Variants in VPS13B observed in about 807,000 individuals in gnomAD.
VPS13B encodes the protein vacuolar protein sorting 13 homolog B.
Under a neutral mutation model 426.4 loss-of-function variants are expected in VPS13B, and 285 were observed. That is an observed-to-expected ratio of 0.67 (90% CI 0.61 to 0.74). The LOEUF (loss-of-function observed/expected upper bound fraction) is 0.74, where lower values mean the gene tolerates loss of function less well. Ranked by LOEUF, VPS13B falls within the 30% of genes least tolerant of loss-of-function variation. VPS13B has a pLI of 0.00. For missense variants in VPS13B, 4,537 were observed against 4,782.6 expected, an observed-to-expected ratio of 0.95 and a Z score of 1.51; for synonymous variants, 1,676 against 1,676.4, an observed-to-expected ratio of 1.00 and a Z score of 0.01.
At chr8:99,415,934 T>C (rs115406718) in intron 21 of VPS13B, among the ~76,000 whole-genome samples, 3,088 of 152,258 alleles carry the variant, frequency 0.02, 114 homozygotes, top group African/African-American at 0.07. Context: ...TTAGCAGAGC[T>C]CACACACTGT....
At chr8:99,866,609 G>A (rs548564989) in intron 58 of VPS13B, among the ~76,000 whole-genome samples, 33 of 152,392 alleles carry the variant, frequency 2.2e-4, no homozygotes, top group African/African-American at 7.2e-4. Context: ...CGGAAGAGCA[G>A]AACAGAGGGG....
intron 22 of VPS13B, among the ~76,000 whole-genome samples, chr8:99,439,977 ATAAC>A (rs1324335329): frequency 6.6e-6 from 1 of 152,294 alleles, no homozygotes; most frequent in East Asian, 1.9e-4. Flanking sequence ...TAAAATAAGA[ATAAC>A]AAATAATTTT....
chr8:99,717,735 T>A (rs1210101089), intron 37 of VPS13B, among the ~76,000 whole-genome samples: 1 of 152,208 alleles, frequency 6.6e-6, no homozygotes, highest in African/African-American at 2.4e-5. Flanking sequence ...TCTGTCTCCA[T>A]AGATTTACCT....
chr8:99,384,072 C>T, intron 19 of VPS13B, 136 bp from the exon 20 acceptor site: 1 of 761,142 alleles, frequency 1.3e-6, no homozygotes. Context: ...TCAGGGTTTG[C>T]ATTCCTCCAC....
intron 30 of VPS13B, among the ~76,000 whole-genome samples, chr8:99,522,036 G>A (rs865986807): frequency 1.1e-4 from 16 of 152,124 alleles, no homozygotes; most frequent in Middle Eastern, 6.8e-3. Context: ...AGCAGAAAGC[G>A]TCTTTAGGAA....
chr8:99,054,548 C>A (rs370461418), intron 3 of VPS13B, among the ~76,000 whole-genome samples: 1 of 152,134 alleles, frequency 6.6e-6, no homozygotes, highest in Non-Finnish European at 1.5e-5. Flanking sequence ...TGATGCACAA[C>A]GTATTTAATT....
intron 19 of VPS13B, among the ~76,000 whole-genome samples, chr8:99,351,967 T>A (rs1319180146): frequency 6.6e-6 from 1 of 152,162 alleles, no homozygotes; most frequent in African/African-American, 2.4e-5. Context: ...TTATGAGGGA[T>A]GAAAGTACTC....
intron 19 of VPS13B, among the ~76,000 whole-genome samples, chr8:99,372,800 A>G (rs375634439): frequency 6.6e-6 from 1 of 152,340 alleles, no homozygotes; most frequent in East Asian, 1.9e-4. Context: ...TTGACCTAGC[A>G]ATCCCATTAC....
At chr8:99,626,007 C>T (rs1478439075) in intron 33 of VPS13B, among the ~76,000 whole-genome samples, 1 of 151,994 alleles carries the variant, frequency 6.6e-6, no homozygotes, top group African/African-American at 2.4e-5. Flanking sequence ...AACCACATAC[C>T]GTATGCAAAA....
chr8:99,566,498 T>C (rs1426679247), intron 31 of VPS13B, among the ~76,000 whole-genome samples: 2 of 151,884 alleles, frequency 1.3e-5, no homozygotes, highest in African/African-American at 4.8e-5. Context: ...TGGAGTGTAG[T>C]GGTGCAGTCT....
chr8:99,764,679 T>C, intron 39 of VPS13B, among the ~76,000 whole-genome samples: 1 of 152,058 alleles, frequency 6.6e-6, no homozygotes, highest in East Asian at 1.9e-4. Context: ...CCTCCCAAAG[T>C]GCTGGGATTT....
chr8:99,722,493 A>T (rs571465009), intron 39 of VPS13B, among the ~76,000 whole-genome samples: 5 of 151,438 alleles, frequency 3.3e-5, no homozygotes, highest in African/African-American at 1.2e-4. Context: ...GTCATATTAC[A>T]ATCTTATGTA....
chr8:99,113,709 C>T (rs1338075085), intron 6 of VPS13B, among the ~76,000 whole-genome samples: 4 of 152,060 alleles, frequency 2.6e-5, no homozygotes, highest in African/African-American at 9.7e-5. Context: ...GGATTACAGG[C>T]GCCGGCCACC....
intron 19 of VPS13B, among the ~76,000 whole-genome samples, chr8:99,356,035 G>A (rs569623261): frequency 8.5e-5 from 13 of 152,066 alleles, no homozygotes; most frequent in African/African-American, 3.1e-4. Flanking sequence ...ATCTGGTGCA[G>A]GTAATATTAT....
At chr8:99,040,783 T>TAAA (rs981155073) in intron 3 of VPS13B, among the ~76,000 whole-genome samples, 1 of 151,904 alleles carries the variant, frequency 6.6e-6, no homozygotes, top group South Asian at 2.1e-4. Context: ...ATGAATCTGT[T>TAAA]AAAAAAAACT....
At position 99,501,756 on chromosome 8, in the gene VPS13B, A is replaced by G; in HGVS notation, c.3940A>G (p.Asn1314Asp). The G allele has an allele frequency of 6.2e-7, 1 of 1,614,102 alleles. No homozygotes were observed. The highest frequency in any genetic ancestry group is 1.3e-5 in the African/African-American group (1 of 75,018). Residue 1314 changes from asparagine to aspartate, a missense_variant, in exon 26 of 62, where the codon AAT becomes GAT. By Grantham distance (23) the Asn-to-Asp change is conservative. Coordinates refer to ENST00000357162, the MANE Select transcript of VPS13B (RefSeq NM_152564.5). ...TGTGACCTTGGAACAAACTACAAGT[A>G]ATATTGGAGGAACCAGTGGACGTGT... ...DSVTLEQTTS[N>D]IGGTSGRVSL...
intron 15 of VPS13B, 129 bp from the exon 16 acceptor site, chr8:99,169,910 A>T: frequency 9.1e-7 from 1 of 1,102,580 alleles, no homozygotes; most frequent in South Asian, 1.3e-5. Flanking sequence ...TCGTTTGGGA[A>T]GTGGAAAAAG....
At chr8:99,096,648 C>T (rs918415046) in intron 4 of VPS13B, among the ~76,000 whole-genome samples, 20 of 150,742 alleles carry the variant, frequency 1.3e-4, no homozygotes, top group African/African-American at 4.4e-4. Context: ...CTCAGCTACT[C>T]GGGAGGCTGA....
chr8:99,390,394 A>G (rs961282031), intron 20 of VPS13B, among the ~76,000 whole-genome samples: 10 of 152,032 alleles, frequency 6.6e-5, no homozygotes, highest in African/African-American at 2.4e-4. Context: ...GAGCCACCGC[A>G]CCCAGCCTCT....
Sources: allele counts gnomAD v4.1 joint callset (sites outside exome capture counted in the v4.1 genomes callset), GRCh38; gene constraint gnomAD v4.1.1; transcripts MANE v1.5; gene names NCBI Gene and HGNC (gene_info 2026-07-23, HGNC 2026-07-21).